The following TMEFF2 variants were observed in gnomAD, a reference collection of about 807,000 sequenced individuals.
TMEFF2 encodes the protein transmembrane protein with EGF like and two follistatin like domains 2.
Under a neutral mutation model 53.8 loss-of-function variants are expected in TMEFF2, and 28 were observed. The ratio of observed to expected loss-of-function variants is 0.52; its 90% CI spans 0.39 to 0.71. TMEFF2 has a LOEUF of 0.71. Ranked by LOEUF, TMEFF2 falls within the 30% of genes least tolerant of loss-of-function variation. The pLI is 0.00. For synonymous variants in TMEFF2, 162 were observed against 166.3 expected (o/e 0.97, Z 0.20); for missense variants, 353 against 455.2 (o/e 0.78, Z 2.04).
chr2:192,170,522 C>T (rs11888985), intron 4 of TMEFF2, among the ~76,000 whole-genome samples: 4,735 of 151,716 alleles, frequency 0.031, 239 homozygotes, highest in African/African-American at 0.11. Flanking sequence ...AAGAAGGTAA[C>T]GACAGAATAG....
chr2:192,109,499 C>A (rs1245545622), intron 4 of TMEFF2, among the ~76,000 whole-genome samples: 3 of 151,668 alleles, frequency 2.0e-5, no homozygotes, highest in Non-Finnish European at 4.4e-5. Context: ...TTTTAACCAA[C>A]AATAAATAAT....
intron 5 of TMEFF2, among the ~76,000 whole-genome samples, chr2:192,006,763 A>G (rs73982309): frequency 0.037 from 5,595 of 152,264 alleles, 344 homozygotes; most frequent in African/African-American, 0.13. Flanking sequence ...CTTCTGTGGC[A>G]TACTTAAAAA....
At chr2:192,171,651 G>A (rs1690916809) in intron 4 of TMEFF2, among the ~76,000 whole-genome samples, 1 of 151,966 alleles carries the variant, frequency 6.6e-6, no homozygotes, top group African/African-American at 2.4e-5. Flanking sequence ...ATCTGCTTCA[G>A]AGTTTTCTCA....
At chr2:192,061,607 C>T (rs1423424219) in intron 4 of TMEFF2, among the ~76,000 whole-genome samples, 1 of 152,056 alleles carries the variant, frequency 6.6e-6, no homozygotes, top group Admixed American at 6.6e-5. Flanking sequence ...GAGGGATGAC[C>T]ATGCACAGAT....
chr2:192,145,058 A>G (rs905905608), intron 4 of TMEFF2, among the ~76,000 whole-genome samples: 1 of 151,970 alleles, frequency 6.6e-6, no homozygotes, highest in African/African-American at 2.4e-5. Flanking sequence ...TACATTTTTA[A>G]CAGAAAAACA....
chr2:192,155,966 G>T (rs998052823), intron 4 of TMEFF2, among the ~76,000 whole-genome samples: 1 of 151,524 alleles, frequency 6.6e-6, no homozygotes, highest in African/African-American at 2.4e-5. Flanking sequence ...ATAGCATATG[G>T]CTTAATGCTC....
At chr2:192,102,627 T>TC (rs1689058172) in intron 4 of TMEFF2, among the ~76,000 whole-genome samples, 1 of 2,742 alleles carries the variant, frequency 3.6e-4, no homozygotes, top group Non-Finnish European at 1.3e-3. Context: ...TTTCTTGTTC[T>TC]TTTTTTTTTT....
intron 4 of TMEFF2, among the ~76,000 whole-genome samples, chr2:192,123,349 A>C (rs1689603968): frequency 2.0e-5 from 3 of 152,056 alleles, no homozygotes; most frequent in African/African-American, 7.2e-5. Context: ...TTTTTTTCCT[A>C]GAGTCAAAAA....
At chr2:192,127,474 T>C (rs1689704715) in intron 4 of TMEFF2, among the ~76,000 whole-genome samples, 1 of 152,150 alleles carries the variant, frequency 6.6e-6, no homozygotes, top group Non-Finnish European at 1.5e-5. Flanking sequence ...TAAAAATTAT[T>C]GCATTTGAAA....
At chr2:192,050,107 T>C (rs751607021) in intron 5 of TMEFF2, among the ~76,000 whole-genome samples, 3 of 152,262 alleles carry the variant, frequency 2.0e-5, no homozygotes, top group African/African-American at 2.4e-5. Context: ...TCCTTTGTTC[T>C]GTTGCCATGC....
intron 5 of TMEFF2, among the ~76,000 whole-genome samples, chr2:192,011,617 T>C (rs1274736491): frequency 2.0e-5 from 3 of 152,196 alleles, no homozygotes; most frequent in African/African-American, 7.2e-5. Flanking sequence ...TTTTTTTAAA[T>C]GGGTGTTTTG....
intron 4 of TMEFF2, among the ~76,000 whole-genome samples, chr2:192,167,599 C>T (rs1049946032): frequency 1.3e-5 from 2 of 152,012 alleles, no homozygotes; most frequent in African/African-American, 4.8e-5. Context: ...TGTTCTTTTA[C>T]CTTCTTTTTC....
chr2:192,080,760 A>G (rs943283268), intron 4 of TMEFF2, among the ~76,000 whole-genome samples: 2 of 152,102 alleles, frequency 1.3e-5, no homozygotes, highest in African/African-American at 2.4e-5. Context: ...ACATGTACTT[A>G]TTAGGCTACT....
At chr2:192,135,935 AC>A (rs894367769) in intron 4 of TMEFF2, among the ~76,000 whole-genome samples, 92 of 150,788 alleles carry the variant, frequency 6.1e-4, no homozygotes, top group African/African-American at 2.1e-3. Context: ...CCAGAGAACA[AC>A]CCCCTTTGAC....
chr2:191,957,814 CTT>C (rs1299240430), intron 7 of TMEFF2, among the ~76,000 whole-genome samples: 3 of 152,144 alleles, frequency 2.0e-5, no homozygotes, highest in Admixed American at 1.3e-4. Flanking sequence ...ATCTGTGTCT[CTT>C]TAGCTAGGAT....
intron 4 of TMEFF2, among the ~76,000 whole-genome samples, chr2:192,142,193 G>A (rs570465833): frequency 1.3e-5 from 2 of 151,972 alleles, no homozygotes; most frequent in Admixed American, 6.6e-5. Context: ...CTCTGTGAAC[G>A]TTAGGTATCA....
chr2:192,125,481 AT>A (rs1307440593), intron 4 of TMEFF2, among the ~76,000 whole-genome samples: 1 of 152,172 alleles, frequency 6.6e-6, no homozygotes, highest in East Asian at 1.9e-4. Context: ...GATTTTTAAG[AT>A]CATCAAGAAT....
rs998152796 is a variant in TMEFF2, at chr2:192,067,760, C to A, written c.440-9985G>T. On this transcript the variant is annotated intron_variant, in intron 4 of 9. Coordinates refer to ENST00000272771, the MANE Select transcript of TMEFF2 (RefSeq NM_016192.4). ...TAATTGCCAATTGAGTTAACTTTAA[C>A]CTACTAAAAATTTGTTTTGGTAGAG... Among the ~76,000 whole-genome samples the A allele has an allele frequency of 8.0e-4, 122 of 151,784 alleles. 1 individual carries two copies. Among genetic ancestry groups the A allele is most frequent in the Non-Finnish European group, 1.9e-4 (13 of 67,852 alleles).
intron 5 of TMEFF2, among the ~76,000 whole-genome samples, chr2:192,053,849 T>C (rs1301926015): frequency 6.6e-6 from 1 of 152,182 alleles, no homozygotes; most frequent in Non-Finnish European, 1.5e-5. Flanking sequence ...TTTATTCCTG[T>C]GTCCTTCAGC....
Sources: allele counts gnomAD v4.1 joint callset (sites outside exome capture counted in the v4.1 genomes callset), GRCh38; gene constraint gnomAD v4.1.1; transcripts MANE v1.5; gene names NCBI Gene and HGNC (gene_info 2026-07-23, HGNC 2026-07-21).